Variants in ALK observed in about 807,000 individuals in gnomAD.
ALK encodes the protein ALK receptor tyrosine kinase.
A neutral mutation model predicts 163.1 loss-of-function variants in ALK; 74 were observed. That is an observed-to-expected ratio of 0.45 (90% CI 0.38 to 0.55). The LOEUF (loss-of-function observed/expected upper bound fraction) is 0.55, where lower values mean the gene tolerates loss of function less well. Among genes scored for constraint, ALK ranks in the 20% least tolerant of loss-of-function variants. The probability of loss-of-function intolerance (pLI) is 0.00; values close to 1 mark genes in which losing one functional copy is unlikely to be tolerated. For missense variants in ALK, 2,063 were observed against 2,105.3 expected (o/e 0.98, Z 0.39); for synonymous variants, 960 against 843.2 (o/e 1.14, Z -2.40).
At chr2:29,383,516 C>T (rs2148301193) in intron 5 of ALK, among the ~76,000 whole-genome samples, 1 of 152,242 alleles carries the variant, frequency 6.6e-6, no homozygotes, top group African/African-American at 2.4e-5. Context: ...AGGGTTTTGC[C>T]ATGTTGGCCA....
intron 2 of ALK, among the ~76,000 whole-genome samples, chr2:29,695,749 C>A (rs1247619654): frequency 6.6e-6 from 1 of 151,966 alleles, no homozygotes; most frequent in Non-Finnish European, 1.5e-5. Flanking sequence ...ATGTGGCCAA[C>A]AAACATATGA....
chr2:29,432,384 C>T (rs1670292963), intron 4 of ALK, among the ~76,000 whole-genome samples: 1 of 152,140 alleles, frequency 6.6e-6, no homozygotes, highest in South Asian at 2.1e-4. Flanking sequence ...GCTCCCCCGC[C>T]CCTTCTGCTA....
Position 29,653,709 on chromosome 2 carries a change from G to A in ALK, c.952+41141C>T, listed in dbSNP as rs146659941. Among the ~76,000 whole-genome samples, 8 of 152,130 alleles carry A rather than the reference G, an allele frequency of 5.3e-5. No homozygotes were observed. The East Asian group carries it at 9.7e-4, about 18-fold the overall frequency. On this transcript the variant is annotated intron_variant, in intron 3 of 28. Transcript: ENST00000389048. ...GGTAAAGGAATGGGAGAAGATACAC[G>A]GTATGAGGAAGAGGTGATTCAAAAT...
intron 3 of ALK, among the ~76,000 whole-genome samples, chr2:29,626,790 A>G (rs1573509850): frequency 6.6e-6 from 1 of 152,324 alleles, no homozygotes; most frequent in East Asian, 1.9e-4. Flanking sequence ...TTGTTAGGCT[A>G]CCAACCTATG....
intron 2 of ALK, among the ~76,000 whole-genome samples, chr2:29,697,284 A>G (rs963804771): frequency 6.6e-6 from 1 of 152,214 alleles, no homozygotes; most frequent in East Asian, 1.9e-4. Flanking sequence ...AGGCTATGAC[A>G]ATGAGTCAGG....
chr2:29,367,918 T>G (rs916211979), intron 5 of ALK, among the ~76,000 whole-genome samples: 1 of 152,236 alleles, frequency 6.6e-6, no homozygotes, highest in Non-Finnish European at 1.5e-5. Flanking sequence ...TATTTACATT[T>G]TCTAGCTACT....
intron 5 of ALK, among the ~76,000 whole-genome samples, chr2:29,352,915 G>A (rs1195428586): frequency 2.0e-5 from 3 of 152,186 alleles, no homozygotes; most frequent in Non-Finnish European, 4.4e-5. Flanking sequence ...TCATTCCTGG[G>A]TGCAGGAGAA....
chr2:29,793,434 C>G (rs4666274), intron 1 of ALK, among the ~76,000 whole-genome samples: 137,842 of 152,170 alleles, frequency 0.91, 64,044 homozygotes, highest in East Asian at 1. Context: ...TCCTCCCATG[C>G]ATTAAAAATG....
chr2:29,672,307 C>T (rs1398616541), intron 3 of ALK, among the ~76,000 whole-genome samples: 7 of 151,642 alleles, frequency 4.6e-5, no homozygotes, highest in Admixed American at 4.6e-4. Flanking sequence ...GGTATATCTC[C>T]CAATGCTATC....
At chr2:29,575,863 T>C (rs1481118967) in intron 3 of ALK, among the ~76,000 whole-genome samples, 1 of 152,076 alleles carries the variant, frequency 6.6e-6, no homozygotes, top group Non-Finnish European at 1.5e-5. Flanking sequence ...TCCAACAGAG[T>C]GGAGTCCAGG....
At chr2:29,299,111 T>A (rs977223579) in intron 8 of ALK, among the ~76,000 whole-genome samples, 1 of 152,236 alleles carries the variant, frequency 6.6e-6, no homozygotes, top group Non-Finnish European at 1.5e-5. Context: ...TCTTTCAACC[T>A]GGTTTCTAGA....
intron 4 of ALK, among the ~76,000 whole-genome samples, chr2:29,456,345 T>C (rs914761383): frequency 1.3e-5 from 2 of 152,094 alleles, no homozygotes; most frequent in Non-Finnish European, 2.9e-5. Flanking sequence ...TTACACAAAA[T>C]GTGGCACGCA....
At chr2:29,362,836 CCAAA>C (rs1668416289) in intron 5 of ALK, among the ~76,000 whole-genome samples, 1 of 152,140 alleles carries the variant, frequency 6.6e-6, no homozygotes, top group East Asian at 1.9e-4. Flanking sequence ...ATCCCCACTC[CCAAA>C]CAAACAAATG....
At chr2:29,301,043 A>G (rs1410788200) in intron 8 of ALK, among the ~76,000 whole-genome samples, 2 of 152,188 alleles carry the variant, frequency 1.3e-5, no homozygotes, top group Non-Finnish European at 2.9e-5. Flanking sequence ...TGTCTGCATT[A>G]CCTTCCAGTG....
chr2:29,477,301 T>TA (rs1671550852), intron 4 of ALK, among the ~76,000 whole-genome samples: 1 of 152,174 alleles, frequency 6.6e-6, no homozygotes, highest in African/African-American at 2.4e-5. Context: ...CTTTGCTATA[T>TA]ACCAGCTGTG....
At chr2:29,646,253 C>T (rs1435279947) in intron 3 of ALK, among the ~76,000 whole-genome samples, 1 of 152,188 alleles carries the variant, frequency 6.6e-6, no homozygotes, top group African/African-American at 2.4e-5. Context: ...TGTTTCCTCT[C>T]TTTCTCTCAC....
intron 11 of ALK, among the ~76,000 whole-genome samples, chr2:29,253,974 G>A (rs1271547522): frequency 6.6e-6 from 1 of 152,074 alleles, no homozygotes; most frequent in Non-Finnish European, 1.5e-5. Flanking sequence ...ATGTGTCATG[G>A]GAGGGACCAG....
intron 4 of ALK, among the ~76,000 whole-genome samples, chr2:29,427,270 A>G (rs1670167976): frequency 1.3e-5 from 2 of 152,114 alleles, no homozygotes; most frequent in African/African-American, 4.8e-5. Flanking sequence ...CACTACCACT[A>G]TAAATATATA....
chr2:29,716,628 C>T (rs1470334024), intron 2 of ALK, among the ~76,000 whole-genome samples: 1 of 152,164 alleles, frequency 6.6e-6, no homozygotes, highest in Non-Finnish European at 1.5e-5. Flanking sequence ...GGGAAGAAGT[C>T]TGGCTTGGTA....
Sources: allele counts gnomAD v4.1 joint callset (sites outside exome capture counted in the v4.1 genomes callset), GRCh38; gene constraint gnomAD v4.1.1; transcripts MANE v1.5; gene names NCBI Gene and HGNC (gene_info 2026-07-23, HGNC 2026-07-21).